The following FAM81B variants were observed in gnomAD, a reference collection of about 807,000 sequenced individuals.
FAM81B encodes the protein protein FAM81B.
Under a neutral mutation model 58.7 loss-of-function variants are expected in FAM81B, and 60 were observed. That is an observed-to-expected ratio of 1.02 (90% confidence interval 0.83 to 1.27). The LOEUF (loss-of-function observed/expected upper bound fraction) is 1.27, where lower values mean the gene tolerates loss of function less well. Among genes scored for constraint, FAM81B ranks in the 50% most tolerant of loss-of-function variants. FAM81B has a pLI of 0.00. For synonymous variants in FAM81B, 189 were observed against 179.6 expected, an observed-to-expected ratio of 1.05 and a Z score of -0.42; for missense variants, 491 against 522.0, an observed-to-expected ratio of 0.94 and a Z score of 0.58.
chr5:95,392,503 T>TA (rs1468236248), intron 1 of FAM81B, among the ~76,000 whole-genome samples: 4 of 151,898 alleles, frequency 2.6e-5, no homozygotes, highest in Admixed American at 1.3e-4. Context: ...AAGTATAATT[T>TA]AAAAAAAATA....
At chr5:95,412,564 G>C (rs1762432710) in intron 3 of FAM81B, among the ~76,000 whole-genome samples, 1 of 152,112 alleles carries the variant, frequency 6.6e-6, no homozygotes, top group Non-Finnish European at 1.5e-5. Context: ...TCACTTGTCT[G>C]AATTTTTCAC....
At chr5:95,447,463 G>A (rs1355253857) in intron 8 of FAM81B, among the ~76,000 whole-genome samples, 1 of 152,240 alleles carries the variant, frequency 6.6e-6, no homozygotes, top group Non-Finnish European at 1.5e-5. Flanking sequence ...ATCGAAGTAT[G>A]TGTGGTAAGA....
chr5:95,423,997 C>T (rs940838091), intron 5 of FAM81B: 5 of 1,288,058 alleles, frequency 3.9e-6, no homozygotes, highest in South Asian at 1.2e-5. Context: ...ACCAAACAGC[C>T]GGGAGGTATA....
At chr5:95,401,856 T>A (rs1490356427) in intron 3 of FAM81B, among the ~76,000 whole-genome samples, 1 of 152,156 alleles carries the variant, frequency 6.6e-6, no homozygotes, top group African/African-American at 2.4e-5. Flanking sequence ...GCACAGCTGG[T>A]GTAAGTCACA....
intron 3 of FAM81B, among the ~76,000 whole-genome samples, chr5:95,409,137 T>C (rs1364012864): frequency 6.6e-6 from 1 of 152,106 alleles, no homozygotes; most frequent in Admixed American, 6.5e-5. Flanking sequence ...ATTGTTAAAA[T>C]TAACATTATC....
intron 7 of FAM81B, among the ~76,000 whole-genome samples, chr5:95,439,363 A>G (rs1337683383): frequency 6.6e-6 from 1 of 150,952 alleles, no homozygotes; most frequent in Non-Finnish European, 1.5e-5. Context: ...ATTTTAACCA[A>G]TGATGAATGT....
chr5:95,401,000 A>T lies in FAM81B; in HGVS notation c.293+4825A>T, dbSNP rs139190787. ...CACAAATGCTACAGGAACTCCCAAC[A>T]TCATCAAAACAATTTGCTACTGCAG... On this transcript the variant is annotated intron_variant, in intron 3 of 9. Transcript: ENST00000283357. Among the ~76,000 whole-genome samples the T allele has an allele frequency of 2.6e-5, 4 of 150,962 alleles. 1 individual carries two copies. In the South Asian group the frequency reaches 8.5e-4, roughly 32 times the overall value.
intron 6 of FAM81B, among the ~76,000 whole-genome samples, chr5:95,434,131 T>C (rs1356963124): frequency 6.6e-6 from 1 of 152,198 alleles, no homozygotes; most frequent in Non-Finnish European, 1.5e-5. Flanking sequence ...TCTCATGCTT[T>C]CTGTAGGTCA....
intron 3 of FAM81B, among the ~76,000 whole-genome samples, chr5:95,397,833 C>A (rs1213205153): frequency 6.6e-6 from 1 of 152,184 alleles, no homozygotes; most frequent in African/African-American, 2.4e-5. Flanking sequence ...TCTCTCTCTT[C>A]GCATCTCTCA....
chr5:95,441,819 CT>C (rs1745367738), intron 7 of FAM81B, among the ~76,000 whole-genome samples: 1 of 152,124 alleles, frequency 6.6e-6, no homozygotes, highest in Non-Finnish European at 1.5e-5. Flanking sequence ...AAGGATCATC[CT>C]CTGAGCTTCT....
At chr5:95,394,539 A>C (rs1014588735) in intron 2 of FAM81B, among the ~76,000 whole-genome samples, 1 of 152,162 alleles carries the variant, frequency 6.6e-6, no homozygotes, top group Admixed American at 6.5e-5. Flanking sequence ...CAGGAGTGAA[A>C]ACACTCTCCA....
intron 3 of FAM81B, among the ~76,000 whole-genome samples, chr5:95,401,799 G>A (rs908748180): frequency 5.3e-5 from 8 of 152,330 alleles, no homozygotes; most frequent in Admixed American, 2.0e-4. Context: ...GAACAGAACA[G>A]GCAGGGAAGT....
rs139372453 is a variant in FAM81B, at chr5:95,396,554, T to G, written c.293+379T>G. On this transcript the variant is annotated intron_variant, in intron 3 of 9. Transcript: ENST00000283357. ...TTCATGATAAAAACTCAGGAAATTTTGAGATATATTTCACTAATCACTAGA... is the reference window on the plus strand; with the variant it reads ...TTCATGATAAAAACTCAGGAAATTTGGAGATATATTTCACTAATCACTAGA... 2.6e-3 allele frequency: 414 copies of G among 161,274 alleles called. 3 individuals are homozygous for G. Among genetic ancestry groups the G allele is most frequent in the African/African-American group, 9.4e-3 (392 of 41,814 alleles). The allele number at this position is 161,274 out of a possible 1,614,324, so 10.0% of individuals were successfully genotyped here. A position where few individuals can be genotyped will look rare whatever the true frequency, so the allele number is the denominator to read the frequency against.
intron 7 of FAM81B, among the ~76,000 whole-genome samples, chr5:95,444,466 A>G (rs936311339): frequency 6.6e-6 from 1 of 152,224 alleles, no homozygotes; most frequent in Non-Finnish European, 1.5e-5. Flanking sequence ...GCAGGAGCCA[A>G]TGGATATTCT....
intron 6 of FAM81B, among the ~76,000 whole-genome samples, chr5:95,430,972 G>T (rs2152767541): frequency 6.6e-6 from 1 of 152,046 alleles, no homozygotes; most frequent in Non-Finnish European, 1.5e-5. Flanking sequence ...ACATATTTAA[G>T]GGGCATTTGT....
rs867863593 is a variant in FAM81B at position 95,392,926 on chromosome 5, A to C, written c.228+29A>C. 2.7e-5 allele frequency: 43 copies of C among 1,563,770 alleles called. 3 individuals carry two copies. In the African/African-American group the frequency reaches 2.9e-4, roughly 11 times the overall value. On this transcript the variant is annotated intron_variant, in intron 2 of 9. Coordinates refer to ENST00000283357, the MANE Select transcript of FAM81B (RefSeq NM_152548.3). ...AGTACTTTTCAATATTCACATTAAA[A>C]GTAGAATACTTTGCTCAGCTTCTTT...
chr5:95,412,243 A>G (rs1209531245), intron 3 of FAM81B, among the ~76,000 whole-genome samples: 1 of 152,120 alleles, frequency 6.6e-6, no homozygotes, highest in South Asian at 2.1e-4. Flanking sequence ...ATGATTCGAC[A>G]TACACCAACA....
chr5:95,431,396 G>T (rs979001875), intron 6 of FAM81B, among the ~76,000 whole-genome samples: 1 of 151,592 alleles, frequency 6.6e-6, no homozygotes, highest in Non-Finnish European at 1.5e-5. Flanking sequence ...TATCTGGTAG[G>T]GCTAGTTCCT....
intron 3 of FAM81B, among the ~76,000 whole-genome samples, chr5:95,398,927 A>T (rs1762035331): frequency 6.6e-6 from 1 of 152,236 alleles, no homozygotes; most frequent in Non-Finnish European, 1.5e-5. Context: ...TGGAACTATG[A>T]TAGCATCTGG....
Sources: allele counts gnomAD v4.1 joint callset (sites outside exome capture counted in the v4.1 genomes callset), GRCh38; gene constraint gnomAD v4.1.1; transcripts MANE v1.5; gene names NCBI Gene and HGNC (gene_info 2026-07-23, HGNC 2026-07-21).